Variants in PZP observed in about 807,000 individuals in gnomAD.
PZP encodes PZP alpha-2-macroglobulin like.
In PZP, 150 loss-of-function variants were observed where a neutral mutation model predicts 179.8. The observed-to-expected ratio is 0.83, with a 90% confidence interval of 0.73 to 0.96. The LOEUF (loss-of-function observed/expected upper bound fraction) is 0.96, where lower values mean the gene tolerates loss of function less well. PZP is among the 40% of genes least tolerant of loss of function. The pLI is 0.00. For synonymous variants in PZP, 624 were observed against 652.3 expected, an observed-to-expected ratio of 0.96 and a Z score of 0.66; for missense variants, 1,689 against 1,764.0, an observed-to-expected ratio of 0.96 and a Z score of 0.76.
intron 15 of PZP, 30 bp downstream of exon 15, chr12:9,180,953 T>C: frequency 6.2e-7 from 1 of 1,601,708 alleles, no homozygotes; most frequent in South Asian, 1.1e-5. Context: ...GAATGGCCCT[T>C]CCTGGTCCCC....
intron 10 of PZP, 48 bp downstream of exon 10, chr12:9,196,282 A>G (rs761948674): frequency 2.3e-6 from 3 of 1,316,722 alleles, no homozygotes; most frequent in Admixed American, 1.7e-5. Context: ...TCCTGTGCTT[A>G]GGTGCAACTG....
intron 23 of PZP, 27 bp downstream of exon 23, chr12:9,161,006 A>G (rs1447459007): frequency 1.3e-6 from 2 of 1,523,728 alleles, no homozygotes; most frequent in Admixed American, 3.3e-5. Flanking sequence ...CTTTTGGCCC[A>G]GGTTTACTAA....
rs758401223 is a variant in PZP, at chr12:9,164,186, A to C, written c.2561T>G (p.Ile854Ser). ...CAAGGTTTGTCTCTCATTTCCACAG[A>C]TACAATAGGATTCTTCTCCCTTTGT... ...QNTKGEESYC[I>S]CGNERQTLSW... is the part of the protein sequence containing the mutation. The change falls in exon 20 of 36, where the codon ATC (isoleucine) becomes AGC (serine). Residue 854 changes from isoleucine (I) to serine (S), a missense_variant. Around this residue, in one of 3 missense-constraint regions of PZP, gnomAD observed 746 missense variants for 749.2 expected, o/e 1.00. Transcript: ENST00000261336. The C allele has an allele frequency of 6.2e-7, 1 of 1,610,124 alleles. No individual in the cohort carries two copies. Among genetic ancestry groups the C allele is most frequent in the Non-Finnish European group, 8.5e-7 (1 of 1,176,346 alleles).
chr12:9,200,230 C>A, intron 7 of PZP, 134 bp downstream of exon 7: 1 of 521,218 alleles, frequency 1.9e-6, no homozygotes, highest in Non-Finnish European at 3.3e-6. Flanking sequence ...AATAGTAAGT[C>A]GTTAAATAAA....
chr12:9,194,784 T>G (rs149292893), intron 10 of PZP, among the ~76,000 whole-genome samples: 54 of 152,268 alleles, frequency 3.5e-4, no homozygotes, highest in Non-Finnish European at 6.3e-4. Flanking sequence ...AGATTTTTAA[T>G]AACTACAACT....
In PZP at chr12:9,197,642, T is replaced by TA. The variant is rs1943881068; in HGVS notation, c.756-520_756-519insT. On this transcript the variant is annotated intron_variant, in intron 7 of 35. Transcript: ENST00000261336. ...TTTATATATTATATTATATATTATATTATATAATATAATATAAAATTATTA... is the reference window on the plus strand; with the variant it reads ...TTTATATATTATATTATATATTATATATATATAATATAATATAAAATTATTA... Among the ~76,000 whole-genome samples, 32 of 64,280 alleles carry TA rather than the reference T, an allele frequency of 5.0e-4. 2 individuals carry two copies. In the South Asian group the frequency reaches 0.013, roughly 26 times the overall value. 42.2% of individuals were successfully genotyped at this position (64,280 alleles called of 152,430 possible).
intron 25 of PZP, 72 bp downstream of exon 25, chr12:9,159,866 G>A (rs1227793535): frequency 7.7e-7 from 1 of 1,304,084 alleles, no homozygotes; most frequent in Non-Finnish European, 1.1e-6. Context: ...AACAGAAAAT[G>A]GACTAAGACA....
intron 10 of PZP, among the ~76,000 whole-genome samples, chr12:9,196,022 A>G (rs1309356600): frequency 1.3e-5 from 2 of 152,178 alleles, no homozygotes; most frequent in African/African-American, 4.8e-5. Context: ...TGCCCAGGTC[A>G]TGATAGAAAT....
chr12:9,159,092 T>C (rs1400120777), intron 25 of PZP, among the ~76,000 whole-genome samples: 1 of 152,164 alleles, frequency 6.6e-6, no homozygotes, highest in Non-Finnish European at 1.5e-5. Flanking sequence ...GGATATCATC[T>C]AGTAGAAGGT....
Position 9,161,069 on chromosome 12 carries a change from C to T in PZP, c.2836G>A (p.Val946Ile). 6.2e-6 allele frequency: 10 copies of T among 1,604,532 alleles called. No homozygotes were observed. The highest frequency in any genetic ancestry group is 8.5e-6 in the Non-Finnish European group (10 of 1,171,524). ...AAAGAAGCTCTGGCAGATTCTTTGA[C>T]CACATTTGATGGGAGCTTCAAGGAC... ...QLSLKLPSNV[V>I]KESARASFSV... The change falls in exon 23 of 36, where the codon GTC becomes ATC. Residue 946 changes from valine to isoleucine, a missense_variant. Coordinates refer to ENST00000261336, the MANE Select transcript of PZP (RefSeq NM_002864.3).
intron 13 of PZP, among the ~76,000 whole-genome samples, chr12:9,188,047 A>G (rs546065731): frequency 6.6e-6 from 1 of 152,250 alleles, no homozygotes; most frequent in Non-Finnish European, 1.5e-5. Flanking sequence ...AACGTCCTTG[A>G]TGAACATTGA....
chr12:9,163,822 C>A, intron 20 of PZP, 33 bp from the exon 21 acceptor site: 1 of 1,600,664 alleles, frequency 6.2e-7, no homozygotes, highest in South Asian at 1.1e-5. Context: ...CATGAGTATC[C>A]ACTTTGATAG....
chr12:9,176,898 C>T (rs1942401837), intron 15 of PZP, among the ~76,000 whole-genome samples: 2 of 152,202 alleles, frequency 1.3e-5, no homozygotes, highest in Non-Finnish European at 2.9e-5. Flanking sequence ...TGAGGAATCA[C>T]ACCTGAGAGG....
intron 14 of PZP, 71 bp downstream of exon 14, chr12:9,181,904 C>T: frequency 1.3e-6 from 2 of 1,509,794 alleles, no homozygotes; most frequent in Non-Finnish European, 9.0e-7. Flanking sequence ...TTAGTTTTCT[C>T]TGGGGTAAAA....
intron 10 of PZP, among the ~76,000 whole-genome samples, chr12:9,195,611 A>ATTTTTT (rs11398106): frequency 9.6e-5 from 10 of 104,236 alleles, no homozygotes; most frequent in East Asian, 7.7e-4. Context: ...CCCACTGCTA[A>ATTTTTT]TTTTTTTTTT....
At chr12:9,160,621 C>A in intron 23 of PZP, 131 bp from the exon 24 acceptor site, 1 of 824,516 alleles carries the variant, frequency 1.2e-6, no homozygotes, top group Non-Finnish European at 1.9e-6. Flanking sequence ...CAGAGTGTGA[C>A]TTCCAGAATC....
chr12:9,147,242 C>T (rs1367965754), downstream of PZP, among the ~76,000 whole-genome samples: 1 of 152,132 alleles, frequency 6.6e-6, no homozygotes, highest in Non-Finnish European at 1.5e-5. Flanking sequence ...TCCAACTTGC[C>T]ATCTTCATTC....
chr12:9,203,191 T>A lies in PZP; in HGVS notation c.268-507A>T, dbSNP rs758096334. ...ATCAAAACTAGAAAACTCCTCTAAG[T>A]CATGAAATTTTTGTGGGCAATAGGA... On this transcript the variant is annotated intron_variant, in intron 2 of 35. Coordinates refer to ENST00000261336, the MANE Select transcript of PZP (RefSeq NM_002864.3). Among the ~76,000 whole-genome samples, 4 of 152,286 alleles carry A rather than the reference T, an allele frequency of 2.6e-5. No homozygotes were observed. In the East Asian group the frequency reaches 7.7e-4, roughly 29 times the overall value.
intron 28 of PZP, 54 bp from the exon 29 acceptor site, chr12:9,154,893 T>C (rs1488298305): frequency 6.7e-7 from 1 of 1,496,436 alleles, no homozygotes; most frequent in African/African-American, 1.4e-5. Flanking sequence ...TAATTATAAC[T>C]GGTAGATAAG....
Sources: allele counts gnomAD v4.1 joint callset (sites outside exome capture counted in the v4.1 genomes callset), GRCh38; gene constraint gnomAD v4.1.1; regional missense constraint gnomAD v4.1.1; transcripts MANE v1.5; gene names NCBI Gene and HGNC (gene_info 2026-07-23, HGNC 2026-07-21).